CCT8: variants seen among roughly 807,000 people sequenced by gnomAD.
The protein encoded by CCT8 is T-complex protein 1 subunit theta.
Under a neutral mutation model 65.7 loss-of-function variants are expected in CCT8, and 10 were observed. The ratio of observed to expected loss-of-function variants is 0.15; its 90% CI spans 0.09 to 0.26. The LOEUF (loss-of-function observed/expected upper bound fraction) is 0.26. Among genes scored for constraint, CCT8 ranks in the 10% least tolerant of loss-of-function variants. The pLI is 1.00. For missense variants in CCT8, 568 were observed against 669.1 expected, an observed-to-expected ratio of 0.85 and a Z score of 1.67; for synonymous variants, 199 against 221.8, an observed-to-expected ratio of 0.90 and a Z score of 0.92.
Position 29,061,407 on chromosome 21 carries a change from C to G in CCT8, c.1295G>C (p.Gly432Ala). 6.2e-7 allele frequency: 1 copy of G among 1,613,930 alleles called. No homozygotes were observed. The highest frequency in any genetic ancestry group is 8.5e-7 in the Non-Finnish European group (1 of 1,179,914). ...QITSYGETCP[G>A]LEQYAIKKFA... ...CTTCTTAATAGCATACTGTTCAAGT[C>G]CAGGACATGTCTAAAACAAAAATGC... Residue 432 changes from glycine to alanine, a missense_variant, in exon 13 of 15, where the codon GGA (glycine) becomes GCA (alanine). Physicochemically the swap from Gly to Ala is moderately conservative, Grantham distance 60 (BLOSUM62 0). Transcript: ENST00000286788.
At chr21:29,062,454 G>A (rs1267833523) in intron 9 of CCT8, 36 bp downstream of exon 9, 1 of 1,610,798 alleles carries the variant, frequency 6.2e-7, no homozygotes. Context: ...ATTCCATCTT[G>A]TTCAACTATC....
chr21:29,057,050 A>G (rs754598141), intron 14 of CCT8, among the ~76,000 whole-genome samples: 81 of 151,824 alleles, frequency 5.3e-4, no homozygotes, highest in Non-Finnish European at 1.0e-3. Flanking sequence ...TAAAACCTGT[A>G]AATGAGAATC....
chr21:29,058,333 C>G (rs1001325656), intron 14 of CCT8: 13 of 151,746 alleles, frequency 8.6e-5, no homozygotes, highest in African/African-American at 3.1e-4. Flanking sequence ...CCCAGCTACT[C>G]GGGAGGCTGA....
At chr21:29,061,088 A>G (rs1030473655) in intron 13 of CCT8, among the ~76,000 whole-genome samples, 165 bp downstream of exon 13, 1 of 152,240 alleles carries the variant, frequency 6.6e-6, no homozygotes, top group African/African-American at 2.4e-5. Context: ...AAACAGAAGG[A>G]AAATGAAACG....
chr21:29,064,940 T>C, intron 7 of CCT8, 28 bp downstream of exon 7: 2 of 1,604,926 alleles, frequency 1.2e-6, no homozygotes, highest in African/African-American at 1.3e-5. Context: ...ACCCCAATTA[T>C]TACTTTTAAG....
intron 2 of CCT8, 57 bp from the exon 3 acceptor site, chr21:29,069,559 C>A: frequency 1.0e-6 from 1 of 999,550 alleles, no homozygotes; most frequent in South Asian, 1.6e-5. Context: ...AAATCCTTCC[C>A]CAAATACCCA....
intron 14 of CCT8, among the ~76,000 whole-genome samples, 187 bp from the exon 15 acceptor site, chr21:29,056,739 A>T (rs182313435): frequency 4.1e-4 from 62 of 152,360 alleles, no homozygotes; most frequent in African/African-American, 1.4e-3. Context: ...CTTTCAGCGC[A>T]TGAGAAAGTT....
intron 6 of CCT8, among the ~76,000 whole-genome samples, chr21:29,065,745 T>C (rs756595095): frequency 6.6e-6 from 1 of 152,214 alleles, no homozygotes; most frequent in Non-Finnish European, 1.5e-5. Context: ...AAAACTGTCT[T>C]ATAAGCTTAT....
At chr21:29,069,566 C>A in intron 2 of CCT8, 64 bp from the exon 3 acceptor site, 3 of 933,598 alleles carry the variant, frequency 3.2e-6, no homozygotes, top group Non-Finnish European at 3.3e-6. Context: ...TCCCCAAATA[C>A]CCAGGAAAAT....
intron 6 of CCT8, 34 bp downstream of exon 6, chr21:29,066,682 C>T (rs1284682932): frequency 1.4e-6 from 2 of 1,405,228 alleles, no homozygotes; most frequent in Non-Finnish European, 2.0e-6. Flanking sequence ...AAAAACTGAC[C>T]TAGATATGTA....
At chr21:29,057,360 G>A (rs2085509341) in intron 14 of CCT8, among the ~76,000 whole-genome samples, 1 of 151,042 alleles carries the variant, frequency 6.6e-6, no homozygotes, top group Non-Finnish European at 1.5e-5. Context: ...TAGTAGAGAC[G>A]GGGTTTCACC....
At chr21:29,068,756 C>T (rs552695517) in intron 3 of CCT8, among the ~76,000 whole-genome samples, 6 of 152,236 alleles carry the variant, frequency 3.9e-5, no homozygotes, top group South Asian at 2.1e-4. Context: ...TGAGCCACCG[C>T]GTCCAACCAA....
At chr21:29,057,976 G>C (rs1363505348) in intron 14 of CCT8, 1 of 151,850 alleles carries the variant, frequency 6.6e-6, no homozygotes, top group Non-Finnish European at 1.5e-5. Context: ...TTATGATTGT[G>C]CCACTGTCCT....
intron 7 of CCT8, among the ~76,000 whole-genome samples, chr21:29,064,036 G>C (rs1300982480): frequency 6.6e-6 from 1 of 152,150 alleles, no homozygotes; most frequent in African/African-American, 2.4e-5. Context: ...TGGGATTACA[G>C]GCGTGAGATA....
intron 13 of CCT8, among the ~76,000 whole-genome samples, chr21:29,060,895 A>C (rs1484114522): frequency 6.6e-6 from 1 of 152,208 alleles, no homozygotes; most frequent in Non-Finnish European, 1.5e-5. Flanking sequence ...GATATAATCT[A>C]TGCACATCCT....
intron 14 of CCT8, among the ~76,000 whole-genome samples, chr21:29,057,711 T>TAC: frequency 1.2e-5 from 1 of 84,408 alleles, no homozygotes; most frequent in Non-Finnish European, 3.7e-5. Context: ...TCATATATAA[T>TAC]ATATATCATA....
chr21:29,068,249 A>G (rs2085645110), intron 3 of CCT8, among the ~76,000 whole-genome samples: 1 of 152,162 alleles, frequency 6.6e-6, no homozygotes, highest in Non-Finnish European at 1.5e-5. Flanking sequence ...AAACAAGCCA[A>G]GGAGTAAGAA....
Position 29,070,239 on chromosome 21 carries a change from G to T in CCT8, c.151+8C>A. 1.3e-6 allele frequency: 2 copies of T among 1,545,564 alleles called. No individual in the cohort carries two copies. The highest frequency in any genetic ancestry group is 1.8e-6 in the Non-Finnish European group (2 of 1,123,144). On this transcript the variant is annotated splice_region_variant and intron_variant, in intron 2 of 14. Coordinates refer to ENST00000286788, the MANE Select transcript of CCT8 (RefSeq NM_006585.4). Reference sequence around the variant, plus strand: ...CTGTATCTTTACAAATATTAATTTAGAAATTACCATTTGGTCCATATGCTG... The same window carrying T: ...CTGTATCTTTACAAATATTAATTTATAAATTACCATTTGGTCCATATGCTG...
intron 13 of CCT8, 56 bp downstream of exon 13, chr21:29,061,197 T>C (rs2085559075): frequency 9.1e-6 from 12 of 1,322,214 alleles, no homozygotes; most frequent in Non-Finnish European, 1.2e-5. Context: ...TCATACTATT[T>C]TTAGGTTGTG....
Sources: allele counts gnomAD v4.1 joint callset (sites outside exome capture counted in the v4.1 genomes callset), GRCh38; gene constraint gnomAD v4.1.1; transcripts MANE v1.5; gene names NCBI Gene and HGNC (gene_info 2026-07-23, HGNC 2026-07-21).